GRB14: variants seen among roughly 807,000 people sequenced by gnomAD.
GRB14 encodes the protein growth factor receptor bound protein 14.
A neutral mutation model predicts 69.1 loss-of-function variants in GRB14; 38 were observed. The observed-to-expected ratio is 0.55, with a 90% confidence interval of 0.42 to 0.72. The LOEUF is 0.72. Among genes scored for constraint, GRB14 ranks in the 30% least tolerant of loss-of-function variants. GRB14 has a pLI of 0.00. For missense variants in GRB14, 666 were observed against 666.1 expected (o/e 1.00, Z 0.00); for synonymous variants, 247 against 241.3 (o/e 1.02, Z -0.22).
chr2:164,607,928 G>A (rs1279077388), intron 2 of GRB14, among the ~76,000 whole-genome samples: 1 of 152,004 alleles, frequency 6.6e-6, no homozygotes, highest in African/African-American at 2.4e-5. Context: ...TTATATATAT[G>A]TTCATCAAAA....
At chr2:164,571,548 T>C (rs972004379) in intron 2 of GRB14, among the ~76,000 whole-genome samples, 3 of 152,208 alleles carry the variant, frequency 2.0e-5, no homozygotes, top group African/African-American at 7.2e-5. Context: ...ATGTGTCACT[T>C]AAAATATTTT....
At chr2:164,530,987 G>T (rs1328754444) in intron 3 of GRB14, among the ~76,000 whole-genome samples, 1 of 152,136 alleles carries the variant, frequency 6.6e-6, no homozygotes, top group Non-Finnish European at 1.5e-5. Context: ...ACATTAGCAT[G>T]GTAGCAGTTG....
At chr2:164,610,392 T>A (rs545464720) in intron 2 of GRB14, among the ~76,000 whole-genome samples, 185 of 152,134 alleles carry the variant, frequency 1.2e-3, no homozygotes, top group African/African-American at 4.3e-3. Flanking sequence ...ATATAAAAAA[T>A]AATGTATAAA....
At chr2:164,559,133 G>A (rs761444413) in intron 2 of GRB14, among the ~76,000 whole-genome samples, 35 of 151,952 alleles carry the variant, frequency 2.3e-4, no homozygotes, top group Non-Finnish European at 4.4e-4. Flanking sequence ...CAGGACATTT[G>A]GGGGTATTAT....
intron 2 of GRB14, chr2:164,573,895 T>C: frequency 6.2e-7 from 1 of 1,612,504 alleles, no homozygotes. Flanking sequence ...AGATTGATTC[T>C]AAATTAGGTC....
chr2:164,499,567 C>A (rs948002588), intron 9 of GRB14, among the ~76,000 whole-genome samples: 1 of 152,112 alleles, frequency 6.6e-6, no homozygotes, highest in Non-Finnish European at 1.5e-5. Flanking sequence ...CACTTCTCCC[C>A]TTTTCTAGCT....
At chr2:164,539,452 C>T (rs964147332) in intron 3 of GRB14, among the ~76,000 whole-genome samples, 24 of 146,096 alleles carry the variant, frequency 1.6e-4, no homozygotes, top group African/African-American at 5.7e-4. Context: ...CCACCCTGGG[C>T]GACAGACGGC....
chr2:164,572,220 A>C (rs893615751), intron 2 of GRB14, among the ~76,000 whole-genome samples: 2 of 152,246 alleles, frequency 1.3e-5, no homozygotes, highest in African/African-American at 2.4e-5. Flanking sequence ...AACCGCAATT[A>C]CATTTGCACC....
chr2:164,601,528 T>C (rs892276096), intron 2 of GRB14, among the ~76,000 whole-genome samples: 2 of 152,146 alleles, frequency 1.3e-5, no homozygotes, highest in Admixed American at 6.5e-5. Context: ...AGGGCTGGGA[T>C]TGAAATCTGA....
chr2:164,534,780 C>T (rs571424180), intron 3 of GRB14, among the ~76,000 whole-genome samples: 58 of 152,118 alleles, frequency 3.8e-4, no homozygotes, highest in Non-Finnish European at 7.5e-4. Context: ...GGGCTCTTTG[C>T]TGCTATGTTC....
At chr2:164,545,367 T>C (rs1389209572) in intron 3 of GRB14, among the ~76,000 whole-genome samples, 3 of 152,142 alleles carry the variant, frequency 2.0e-5, no homozygotes, top group African/African-American at 7.2e-5. Context: ...AAATGGAGAT[T>C]ATCCTGAATT....
intron 3 of GRB14, among the ~76,000 whole-genome samples, chr2:164,541,488 A>G (rs1688238872): frequency 6.6e-6 from 1 of 151,316 alleles, no homozygotes; most frequent in Admixed American, 6.6e-5. Context: ...AATAATAATA[A>G]TAAATAATAA....
chr2:164,551,134 G>C (rs1449238847), intron 2 of GRB14, among the ~76,000 whole-genome samples: 1 of 152,258 alleles, frequency 6.6e-6, no homozygotes, highest in South Asian at 2.1e-4. Context: ...TATTTTTAGA[G>C]CCAGTTTATC....
At chr2:164,534,562 T>C (rs1688032556) in intron 3 of GRB14, among the ~76,000 whole-genome samples, 1 of 152,130 alleles carries the variant, frequency 6.6e-6, no homozygotes, top group Non-Finnish European at 1.5e-5. Flanking sequence ...GAAGACCAAC[T>C]TTCTCTTGCC....
At chr2:164,606,255 AGAGT>A (rs1314481704) in intron 2 of GRB14, among the ~76,000 whole-genome samples, 1 of 152,166 alleles carries the variant, frequency 6.6e-6, no homozygotes, top group African/African-American at 2.4e-5. Flanking sequence ...TCATTCCACA[AGAGT>A]GATTGCCCCT....
intron 4 of GRB14, 74 bp downstream of exon 4, chr2:164,526,940 A>G (rs1054990823): frequency 3.5e-5 from 36 of 1,039,822 alleles, no homozygotes; most frequent in South Asian, 1.3e-4. Flanking sequence ...TTTTATTTAC[A>G]GTGACTATCT....
At chr2:164,586,602 C>T (rs879622223) in intron 2 of GRB14, among the ~76,000 whole-genome samples, 9 of 152,150 alleles carry the variant, frequency 5.9e-5, no homozygotes, top group Non-Finnish European at 1.0e-4. Flanking sequence ...TGCCACAAAA[C>T]ACAGGCTACA....
chr2:164,588,791 T>C (rs994659047), intron 2 of GRB14, among the ~76,000 whole-genome samples: 4 of 152,224 alleles, frequency 2.6e-5, no homozygotes, highest in East Asian at 1.9e-4. Flanking sequence ...AGAGAGACCA[T>C]TATTTTCTGG....
intron 6 of GRB14, among the ~76,000 whole-genome samples, chr2:164,512,780 C>A (rs1687373665): frequency 6.6e-6 from 1 of 152,144 alleles, no homozygotes; most frequent in Admixed American, 6.5e-5. Context: ...GGGAAAAAGT[C>A]AGGTATAACT....
Sources: gnomAD v4.1 joint callset for allele counts (sites outside exome capture counted in the v4.1 genomes callset) on GRCh38, gnomAD v4.1.1 for gene constraint, MANE v1.5 for transcripts, NCBI Gene and HGNC (gene_info 2026-07-23, HGNC 2026-07-21) for gene names.